ABTB2: variants seen among roughly 807,000 people sequenced by gnomAD.
The protein encoded by ABTB2 is ankyrin repeat and BTB domain containing 2.
A neutral mutation model predicts 104.1 loss-of-function variants in ABTB2; 56 were observed. The observed-to-expected ratio is 0.54, with a 90% CI of 0.43 to 0.67. The LOEUF (loss-of-function observed/expected upper bound fraction) is 0.67, where lower values mean the gene tolerates loss of function less well. Ranked by LOEUF, ABTB2 falls within the 30% of genes least tolerant of loss-of-function variation. The probability of loss-of-function intolerance (pLI) is 0.00; values close to 1 mark genes in which losing one functional copy is unlikely to be tolerated. For synonymous variants in ABTB2, 606 were observed against 608.2 expected (o/e 1.00, Z 0.05); for missense variants, 1,279 against 1,407.7 (o/e 0.91, Z 1.46).
At chr11:34,313,324 G>C (rs1294995299) in intron 1 of ABTB2, among the ~76,000 whole-genome samples, 1 of 152,226 alleles carries the variant, frequency 6.6e-6, no homozygotes, top group African/African-American at 2.4e-5. Flanking sequence ...CATTGGGCCG[G>C]CTCCCGAGCA....
At chr11:34,340,409 A>G (rs1481728090) in intron 1 of ABTB2, among the ~76,000 whole-genome samples, 5 of 152,202 alleles carry the variant, frequency 3.3e-5, no homozygotes, top group Admixed American at 2.0e-4. Flanking sequence ...AGGTAGTTTT[A>G]GTATAATCGC....
intron 6 of ABTB2, 127 bp from the exon 7 acceptor site, chr11:34,167,487 A>C: frequency 4.9e-6 from 4 of 808,250 alleles, no homozygotes; most frequent in Non-Finnish European, 8.1e-6. Context: ...CTGGAGCACA[A>C]AGTGGACAAG....
intron 4 of ABTB2, among the ~76,000 whole-genome samples, chr11:34,171,889 A>G (rs538979497): frequency 9.3e-4 from 142 of 152,310 alleles, no homozygotes; most frequent in Non-Finnish European, 1.5e-3. Flanking sequence ...TTTGCAATCA[A>G]CGCAACCTAC....
intron 1 of ABTB2, among the ~76,000 whole-genome samples, chr11:34,311,692 C>T (rs538241696): frequency 6.6e-6 from 1 of 152,330 alleles, no homozygotes; most frequent in Non-Finnish European, 1.5e-5. Context: ...CTTATTTAAG[C>T]CCAGCCCCAG....
In ABTB2 at chr11:34,204,629, C is replaced by A; in HGVS notation, c.945G>T (p.Glu315Asp). 6.2e-7 allele frequency: 1 copy of A among 1,612,474 alleles called. No homozygotes were observed. Among genetic ancestry groups the A allele is most frequent in the African/African-American group, 1.3e-5 (1 of 75,036 alleles). ...CCAGCTGGGCATAGGCATCGGCTCGCTCGTCATGGCCCAGGGACCCGCCGT... is the reference window on the plus strand; with the variant it reads ...CCAGCTGGGCATAGGCATCGGCTCGATCGTCATGGCCCAGGGACCCGCCGT... ...PYNGGSLGHD[E>D]RADAYAQLEL... is the part of the protein sequence containing the mutation. Residue 315 changes from glutamate (E) to aspartate (D), a missense_variant, in exon 2 of 17, where the codon GAG becomes GAT. By Grantham distance (45) the Glu-to-Asp change is conservative (BLOSUM62 2). Transcript: ENST00000435224.
intron 1 of ABTB2, among the ~76,000 whole-genome samples, chr11:34,307,312 G>A (rs1021478918): frequency 6.6e-6 from 1 of 152,190 alleles, no homozygotes; most frequent in Non-Finnish European, 1.5e-5. Flanking sequence ...AAACACCTGT[G>A]AGATCAGAAC....
chr11:34,328,421 C>T (rs1855094542), intron 1 of ABTB2, among the ~76,000 whole-genome samples: 1 of 152,126 alleles, frequency 6.6e-6, no homozygotes, highest in Non-Finnish European at 1.5e-5. Context: ...TGACTTGGGG[C>T]AGGCTGCCTA....
chr11:34,316,127 G>C (rs1275525342), intron 1 of ABTB2, among the ~76,000 whole-genome samples: 3 of 152,188 alleles, frequency 2.0e-5, no homozygotes, highest in Non-Finnish European at 2.9e-5. Context: ...CACTCACACT[G>C]CAGCAAGGAA....
chr11:34,284,994 ATCC>A (rs1219652361), intron 1 of ABTB2, among the ~76,000 whole-genome samples: 1 of 152,236 alleles, frequency 6.6e-6, no homozygotes, highest in Non-Finnish European at 1.5e-5. Context: ...AACACCTTCC[ATCC>A]TCAGTCAGCA....
At position 34,213,434 on chromosome 11, in the gene ABTB2, C is replaced by T. The variant is rs370614722; in HGVS notation, c.884-8744G>A. Among the ~76,000 whole-genome samples, 29 of 152,248 alleles carry T rather than the reference C, an allele frequency of 1.9e-4. No individual in the cohort carries two copies. The East Asian group carries it at 2.9e-3, about 15-fold the overall frequency. On this transcript the variant is annotated intron_variant, in intron 1 of 16. Coordinates refer to ENST00000435224, the MANE Select transcript of ABTB2 (RefSeq NM_145804.3). ...GGCGGAGGTTGCAGTGAGCCGAGAT[C>T]GCTGCCACTGCACTCCAGCCTGGGC...
chr11:34,347,173 T>G (rs913635381), intron 1 of ABTB2, among the ~76,000 whole-genome samples: 33 of 152,324 alleles, frequency 2.2e-4, no homozygotes, highest in Non-Finnish European at 4.3e-4. Context: ...TGGTGGCTCA[T>G]GCCTGTAATC....
intron 10 of ABTB2, among the ~76,000 whole-genome samples, chr11:34,161,669 T>G (rs1852722782): frequency 6.6e-6 from 1 of 152,148 alleles, no homozygotes; most frequent in East Asian, 1.9e-4. Flanking sequence ...TGTTTTACAG[T>G]TCCCCAGCAT....
chr11:34,341,097 T>C (rs990609601), intron 1 of ABTB2, among the ~76,000 whole-genome samples: 5 of 152,202 alleles, frequency 3.3e-5, no homozygotes, highest in South Asian at 2.1e-4. Flanking sequence ...AGGTAAAACA[T>C]TGTAACACAT....
chr11:34,315,604 C>T (rs1590253244), intron 1 of ABTB2, among the ~76,000 whole-genome samples: 1 of 152,328 alleles, frequency 6.6e-6, no homozygotes, highest in African/African-American at 2.4e-5. Flanking sequence ...TCTCCTCCAT[C>T]CCTCCTCCCC....
At chr11:34,192,587 C>T (rs954341533) in intron 3 of ABTB2, among the ~76,000 whole-genome samples, 18 of 152,262 alleles carry the variant, frequency 1.2e-4, no homozygotes, top group East Asian at 1.2e-3. Context: ...CTGAGTGTGC[C>T]ACCCTCCACA....
At chr11:34,308,893 G>A (rs2104128) in intron 1 of ABTB2, among the ~76,000 whole-genome samples, 93,151 of 137,214 alleles carry the variant, frequency 0.68, 33,822 homozygotes, top group African/African-American at 0.9. Flanking sequence ...AAAAAGAAAA[G>A]AGAAAGAAAG....
intron 1 of ABTB2, among the ~76,000 whole-genome samples, chr11:34,210,300 G>A (rs932338122): frequency 2.0e-5 from 3 of 152,178 alleles, no homozygotes; most frequent in African/African-American, 7.2e-5. Context: ...GCACTCAGGT[G>A]CACCCCTGAA....
At chr11:34,256,307 C>G (rs767343970) in intron 1 of ABTB2, among the ~76,000 whole-genome samples, 3 of 152,128 alleles carry the variant, frequency 2.0e-5, no homozygotes, top group Non-Finnish European at 2.9e-5. Context: ...CTTTCTCCCC[C>G]CTCCCTTCTG....
At chr11:34,228,637 C>T (rs1156558248) in intron 1 of ABTB2, among the ~76,000 whole-genome samples, 1 of 152,172 alleles carries the variant, frequency 6.6e-6, no homozygotes, top group East Asian at 1.9e-4. Context: ...CTCAGCCTCC[C>T]AAAATGCTGA....
Sources: allele counts gnomAD v4.1 joint callset (sites outside exome capture counted in the v4.1 genomes callset), GRCh38; gene constraint gnomAD v4.1.1; transcripts MANE v1.5; gene names NCBI Gene and HGNC (gene_info 2026-07-23, HGNC 2026-07-21).